Variants in ANKRD28 observed in about 807,000 individuals in gnomAD.
ANKRD28 encodes serine/threonine-protein phosphatase 6 regulatory ankyrin repeat subunit A.
ANKRD28 carries 44 observed loss-of-function variants against 126.5 expected under a neutral mutation model. The observed-to-expected ratio is 0.35, with a 90% CI of 0.27 to 0.45. The LOEUF (loss-of-function observed/expected upper bound fraction) is 0.45. Ranked by LOEUF, ANKRD28 falls within the 20% of genes least tolerant of loss-of-function variation. The pLI is 1.00. For synonymous variants in ANKRD28, 442 were observed against 468.5 expected (o/e 0.94, Z 0.73); for missense variants, 1,110 against 1,316.6 (o/e 0.84, Z 2.43).
chr3:15,790,305 C>G (rs1486608550), intron 2 of ANKRD28, among the ~76,000 whole-genome samples: 1 of 151,926 alleles, frequency 6.6e-6, no homozygotes, highest in Non-Finnish European at 1.5e-5. Context: ...GCCAGTATTA[C>G]CCTGATACCA....
In ANKRD28 at chr3:15,740,086, G is replaced by A. The variant is rs150210827; in HGVS notation, c.352-2853C>T. Reference sequence around the variant, plus strand: ...CAATGAAAATGAACCAATAATGCATGAAACATGGATAAATCTCAAAAACGT... The same window carrying A: ...CAATGAAAATGAACCAATAATGCATAAAACATGGATAAATCTCAAAAACGT... On this transcript the variant is annotated intron_variant, in intron 4 of 27. Coordinates refer to ENST00000683139, the MANE Select transcript of ANKRD28 (RefSeq NM_001349278.2). Among the ~76,000 whole-genome samples, 59 of 152,308 alleles carry A rather than the reference G, an allele frequency of 3.9e-4. 2 individuals are homozygous for A. In the East Asian group the frequency reaches 0.01, roughly 26 times the overall value.
intron 1 of ANKRD28, among the ~76,000 whole-genome samples, chr3:15,820,275 T>C (rs560704838): frequency 2.0e-4 from 31 of 152,310 alleles, no homozygotes; most frequent in Non-Finnish European, 3.4e-4. Context: ...GCATACAGGA[T>C]AAAGTGATAG....
intron 12 of ANKRD28, among the ~76,000 whole-genome samples, chr3:15,710,411 G>A (rs2072093900): frequency 6.6e-6 from 1 of 152,154 alleles, no homozygotes; most frequent in South Asian, 2.1e-4. Flanking sequence ...AAGTTACGTG[G>A]AAGTTAGGTT....
chr3:15,794,431 C>A (rs918123069), intron 2 of ANKRD28, among the ~76,000 whole-genome samples: 6 of 152,058 alleles, frequency 3.9e-5, no homozygotes, highest in Non-Finnish European at 5.9e-5. Context: ...GTTGCCACAG[C>A]GACTTTGTGA....
chr3:15,794,649 C>T (rs2060196687), intron 2 of ANKRD28, among the ~76,000 whole-genome samples: 1 of 152,154 alleles, frequency 6.6e-6, no homozygotes, highest in Admixed American at 6.5e-5. Context: ...CATGTCAGCA[C>T]TGAATATACT....
chr3:15,686,141 T>A, intron 19 of ANKRD28, 22 bp from the exon 20 acceptor site: 1 of 1,606,682 alleles, frequency 6.2e-7, no homozygotes, highest in Non-Finnish European at 8.5e-7. Context: ...CAGGAATAGG[T>A]TCAGTGCTGT....
rs1040484769 is a variant in ANKRD28, at chr3:15,668,118, T to C, written c.*2152A>G. ...ATCTAAGGAAGACCTTTCTAACAGT[T>C]AGAGCTGCTCAACAACTGAATGGAC... is the stretch of plus-strand genomic sequence containing the variant. On this transcript the variant is annotated 3_prime_UTR_variant, in exon 28 of 28. Coordinates refer to ENST00000683139, the MANE Select transcript of ANKRD28 (RefSeq NM_001349278.2). 6 of 152,210 alleles carry C rather than the reference T, an allele frequency of 3.9e-5. No individual in the cohort carries two copies. Among genetic ancestry groups the C allele is most frequent in the African/African-American group, 1.4e-4 (6 of 41,454 alleles). The allele number at this position is 152,210 out of a possible 1,614,324, so 9.4% of individuals were successfully genotyped here. A position where few individuals can be genotyped will look rare whatever the true frequency, so the allele number is the denominator to read the frequency against.
At chr3:15,763,689 G>GAC (rs1304579835) in intron 3 of ANKRD28, among the ~76,000 whole-genome samples, 2 of 152,242 alleles carry the variant, frequency 1.3e-5, no homozygotes, top group African/African-American at 4.8e-5. Flanking sequence ...ACAGCAGTGC[G>GAC]AAGAACCAGA....
At chr3:15,801,393 A>G (rs1479024372), upstream of ANKRD28, among the ~76,000 whole-genome samples, 2 of 152,138 alleles carry the variant, frequency 1.3e-5, no homozygotes, top group Non-Finnish European at 2.9e-5. The surrounding 1 kb of genome is among the most constrained non-coding windows in gnomAD (Gnocchi z 4.9). Context: ...TTTGTCTTAC[A>G]CATCTGTGAA....
chr3:15,829,682 C>A (rs1177326190), intron 1 of ANKRD28, among the ~76,000 whole-genome samples: 2 of 152,026 alleles, frequency 1.3e-5, no homozygotes, highest in African/African-American at 2.4e-5. Flanking sequence ...AATATTACTA[C>A]CAAAGCCACC....
intron 1 of ANKRD28, among the ~76,000 whole-genome samples, chr3:15,818,488 G>A (rs2060879081): frequency 6.6e-6 from 1 of 152,276 alleles, no homozygotes; most frequent in South Asian, 2.1e-4. Context: ...TTACATTTAT[G>A]CAAATATTCC....
intron 2 of ANKRD28, among the ~76,000 whole-genome samples, chr3:15,771,791 G>T (rs2059024481): frequency 6.6e-6 from 1 of 152,114 alleles, no homozygotes; most frequent in South Asian, 2.1e-4. Context: ...ACCATATTCT[G>T]AGCCAAAACC....
chr3:15,802,513 C>T (rs1337548023), upstream of ANKRD28, among the ~76,000 whole-genome samples: 5 of 152,144 alleles, frequency 3.3e-5, no homozygotes, highest in Admixed American at 6.5e-5. Context: ...ATATATCCTT[C>T]GAGCCCTGTT....
intron 2 of ANKRD28, among the ~76,000 whole-genome samples, chr3:15,767,700 T>TAAAAAAAAAAAA (rs57072807): frequency 3.1e-5 from 2 of 64,364 alleles, no homozygotes; most frequent in Non-Finnish European, 2.9e-5. Flanking sequence ...TAGTCTCTAC[T>TAAAAAAAAAAAA]AAAAAAAAAA....
chr3:15,677,875 G>A (rs1362091250), intron 24 of ANKRD28, among the ~76,000 whole-genome samples: 1 of 152,080 alleles, frequency 6.6e-6, no homozygotes, highest in Non-Finnish European at 1.5e-5. Flanking sequence ...AACACACCAA[G>A]TAGATACTGT....
intron 1 of ANKRD28, among the ~76,000 whole-genome samples, chr3:15,823,785 C>A (rs1481005153): frequency 6.6e-6 from 1 of 152,118 alleles, no homozygotes; most frequent in Non-Finnish European, 1.5e-5. Flanking sequence ...TTTAATATAT[C>A]ACATTAATAA....
At chr3:15,703,733 A>T (rs1472857519) in intron 14 of ANKRD28, among the ~76,000 whole-genome samples, 1 of 152,252 alleles carries the variant, frequency 6.6e-6, no homozygotes, top group Admixed American at 6.5e-5. Flanking sequence ...GCTGAAACAA[A>T]TATCTAAAAT....
At chr3:15,684,593 T>C (rs2125747210) in intron 21 of ANKRD28, 1 of 152,108 alleles carries the variant, frequency 6.6e-6, no homozygotes, top group Admixed American at 6.6e-5. Context: ...ATTTAGAAAG[T>C]AAAAGAACAT....
chr3:15,722,776 A>C (rs2073859399), intron 7 of ANKRD28, among the ~76,000 whole-genome samples: 1 of 152,194 alleles, frequency 6.6e-6, no homozygotes, highest in Non-Finnish European at 1.5e-5. Context: ...TTTCACAAGA[A>C]GGTAGAACAC....
Sources: allele counts gnomAD v4.1 joint callset (sites outside exome capture counted in the v4.1 genomes callset), GRCh38; gene constraint gnomAD v4.1.1; non-coding constraint Gnocchi (gnomAD v3.1); transcripts MANE v1.5; gene names NCBI Gene and HGNC (gene_info 2026-07-23, HGNC 2026-07-21).